SHTN1: variants seen among roughly 807,000 people sequenced by gnomAD.
SHTN1 encodes the protein shootin 1.
Under a neutral mutation model 83.1 loss-of-function variants are expected in SHTN1, and 42 were observed. That is an observed-to-expected ratio of 0.51 (90% confidence interval 0.39 to 0.65). SHTN1 has a LOEUF of 0.65. SHTN1 is among the 30% of genes least tolerant of loss of function. The pLI is 0.00. For missense variants in SHTN1, 622 were observed against 737.8 expected, an observed-to-expected ratio of 0.84 and a Z score of 1.82; for synonymous variants, 224 against 247.7, an observed-to-expected ratio of 0.90 and a Z score of 0.90.
intron 1 of SHTN1, among the ~76,000 whole-genome samples, chr10:117,118,830 G>A (rs1365603423): frequency 1.3e-5 from 2 of 152,114 alleles, no homozygotes; most frequent in Non-Finnish European, 2.9e-5. Context: ...AATGGATTCC[G>A]TGCTTTATAC....
chr10:116,983,437 G>A (rs1395197269), intron 1 of SHTN1, among the ~76,000 whole-genome samples: 2 of 152,108 alleles, frequency 1.3e-5, no homozygotes, highest in Admixed American at 6.5e-5. Context: ...GAGGAGAAAA[G>A]GGGCTAAAGA....
intron 1 of SHTN1, among the ~76,000 whole-genome samples, chr10:117,004,205 C>A (rs1401247967): frequency 1.3e-5 from 2 of 152,144 alleles, no homozygotes; most frequent in African/African-American, 4.8e-5. Context: ...CCTGTCTTGA[C>A]CCACATTCGC....
intron 1 of SHTN1, among the ~76,000 whole-genome samples, chr10:117,067,712 G>C (rs1853022985): frequency 6.6e-6 from 1 of 152,164 alleles, no homozygotes; most frequent in Admixed American, 6.6e-5. Context: ...GCATTTAGGA[G>C]GTTGTTGCAG....
rs1847042929 is a variant in SHTN1, at chr10:116,882,352, G to A, written c.*3992C>T. 6.7e-6 allele frequency: 1 copy of A among 149,136 alleles called. No homozygotes were observed. Among genetic ancestry groups the A allele is most frequent in the Non-Finnish European group, 1.5e-5 (1 of 67,754 alleles). 9.2% of individuals were successfully genotyped at this position (149,136 alleles called of 1,614,324 possible). A position where few individuals can be genotyped will look rare whatever the true frequency, so the allele number is the denominator to read the frequency against. On this transcript the variant is annotated 3_prime_UTR_variant, in exon 17 of 17. Coordinates refer to ENST00000355371, the MANE Select transcript of SHTN1 (RefSeq NM_001127211.3). ...ATTAATATTCTCAAGGTTATTAAAT[G>A]CCCAGTTATTCATACCACAGCATTT...
At chr10:117,049,327 G>T (rs1852709518) in intron 1 of SHTN1, among the ~76,000 whole-genome samples, 1 of 151,462 alleles carries the variant, frequency 6.6e-6, no homozygotes, top group South Asian at 2.1e-4. Context: ...TTGAAAATAG[G>T]ATAGAAAATG....
chr10:117,028,906 A>G (rs560373254), intron 2 of SHTN1, among the ~76,000 whole-genome samples: 1 of 152,302 alleles, frequency 6.6e-6, no homozygotes, highest in African/African-American at 2.4e-5. Flanking sequence ...GCCCCCACTG[A>G]GGCACTGCCT....
intron 2 of SHTN1, among the ~76,000 whole-genome samples, chr10:117,020,334 TAA>T (rs34102272): frequency 5.9e-5 from 8 of 134,902 alleles, no homozygotes; most frequent in Non-Finnish European, 8.1e-5. Context: ...TAATAAAAAT[TAA>T]AAAAAAAAAA....
At chr10:116,903,481 C>T (rs1027257182) in intron 15 of SHTN1, among the ~76,000 whole-genome samples, 2 of 151,812 alleles carry the variant, frequency 1.3e-5, no homozygotes, top group African/African-American at 2.4e-5. Context: ...GCCGAGATCA[C>T]GCCACTGCAC....
intron 1 of SHTN1, among the ~76,000 whole-genome samples, chr10:117,111,608 A>G (rs1014632962): frequency 3.3e-5 from 5 of 152,138 alleles, no homozygotes; most frequent in African/African-American, 1.2e-4. Context: ...GTGCACTTCT[A>G]ACAAGTTTCC....
At chr10:117,069,296 T>C (rs531553702) in intron 1 of SHTN1, among the ~76,000 whole-genome samples, 2 of 152,192 alleles carry the variant, frequency 1.3e-5, no homozygotes, top group East Asian at 3.9e-4. Flanking sequence ...CCGCCCAATA[T>C]AGTAGTGGGC....
chr10:117,107,906 G>A (rs958866734), intron 1 of SHTN1, among the ~76,000 whole-genome samples: 2 of 152,072 alleles, frequency 1.3e-5, no homozygotes, highest in African/African-American at 4.8e-5. Flanking sequence ...GCTCATTGCA[G>A]CCTCAAACTC....
intron 1 of SHTN1, among the ~76,000 whole-genome samples, chr10:117,102,723 T>C (rs752824932): frequency 5.3e-5 from 8 of 152,076 alleles, no homozygotes; most frequent in Non-Finnish European, 1.2e-4. Flanking sequence ...AAACTAACAG[T>C]GCCAGTACCA....
chr10:116,913,912 C>T (rs1030668767), intron 13 of SHTN1, among the ~76,000 whole-genome samples: 13 of 152,172 alleles, frequency 8.5e-5, no homozygotes, highest in African/African-American at 3.1e-4. Context: ...CAGCACTGGG[C>T]CAGCTGTGCC....
At chr10:117,104,661 C>T (rs907100841) in intron 1 of SHTN1, among the ~76,000 whole-genome samples, 4 of 152,182 alleles carry the variant, frequency 2.6e-5, no homozygotes, top group African/African-American at 7.2e-5. Flanking sequence ...GTAGCCCCAG[C>T]TACTCAGGAG....
At chr10:116,987,261 G>A (rs1851251512) in intron 1 of SHTN1, among the ~76,000 whole-genome samples, 1 of 152,124 alleles carries the variant, frequency 6.6e-6, no homozygotes, top group Admixed American at 6.5e-5. Flanking sequence ...GGGTCACTAA[G>A]AGCTAATGAT....
At chr10:117,098,050 G>A (rs1238936653) in intron 1 of SHTN1, among the ~76,000 whole-genome samples, 1 of 151,952 alleles carries the variant, frequency 6.6e-6, no homozygotes, top group East Asian at 1.9e-4. Context: ...TTTTCCAGTA[G>A]TGAAGATTTT....
At chr10:116,939,259 C>T (rs1182087206) in intron 9 of SHTN1, among the ~76,000 whole-genome samples, 1 of 152,180 alleles carries the variant, frequency 6.6e-6, no homozygotes, top group Non-Finnish European at 1.5e-5. Flanking sequence ...CAAATGGCCA[C>T]CCAGTTTTGT....
At chr10:117,077,402 C>A (rs1257215101) in intron 1 of SHTN1, among the ~76,000 whole-genome samples, 3 of 152,092 alleles carry the variant, frequency 2.0e-5, no homozygotes, top group Admixed American at 6.6e-5. Flanking sequence ...GGAAGTTTGC[C>A]CACAGAAGAA....
In SHTN1 at chr10:117,018,568, ATTTTTTTTTT is replaced by A. The variant is rs36032476; in HGVS notation, c.-123+29867_-123+29876del. On this transcript the variant is annotated intron_variant, in intron 2 of 17. Coordinates refer to the SHTN1 transcript ENST00000392901. ...TTAAGATTGGATGTCTGCTCTCACCATTTTTTTTTTTTTTTTTTTTTGAGATGGAGTCTTG... is the reference window on the plus strand; with the variant it reads ...TTAAGATTGGATGTCTGCTCTCACCATTTTTTTTTTTGAGATGGAGTCTTG... 2.0e-3 allele frequency among the ~76,000 whole-genome samples: 63 copies of A among 31,374 alleles called. No individual in the cohort carries two copies. In the East Asian group the frequency reaches 0.043, roughly 21 times the overall value. 20.6% of individuals were successfully genotyped at this position (31,374 alleles called of 152,430 possible).
Sources: gnomAD v4.1 joint callset for allele counts (sites outside exome capture counted in the v4.1 genomes callset) on GRCh38, gnomAD v4.1.1 for gene constraint, MANE v1.5 for transcripts, NCBI Gene and HGNC (gene_info 2026-07-23, HGNC 2026-07-21) for gene names.